CACNA1A: variants seen among roughly 807,000 people sequenced by gnomAD.
CACNA1A encodes the protein voltage-dependent P/Q-type calcium channel subunit alpha-1A.
CACNA1A carries 57 observed loss-of-function variants against 262.4 expected under a neutral mutation model. That is an observed-to-expected ratio of 0.22 (90% CI 0.18 to 0.27). The LOEUF (loss-of-function observed/expected upper bound fraction) is 0.27, where lower values mean the gene tolerates loss of function less well. CACNA1A is among the 10% of genes least tolerant of loss of function. CACNA1A has a pLI of 1.00. For missense variants in CACNA1A, 2,526 were observed against 3,562.8 expected (o/e 0.71, Z 7.41); for synonymous variants, 1,431 against 1,419.3 (o/e 1.01, Z -0.18).
intron 3 of CACNA1A, among the ~76,000 whole-genome samples, chr19:13,392,861 C>T (rs1319689705): frequency 6.6e-6 from 1 of 152,170 alleles, no homozygotes; most frequent in East Asian, 1.9e-4. Context: ...ATTCTCCTGC[C>T]TCAGTTTCCT....
intron 31 of CACNA1A, among the ~76,000 whole-genome samples, chr19:13,240,382 C>T (rs2056034926): frequency 6.6e-6 from 1 of 150,660 alleles, no homozygotes; most frequent in Non-Finnish European, 1.5e-5. Flanking sequence ...ACTGTGTGTG[C>T]AGTGTGTGTG....
rs758357771 is a variant in CACNA1A at position 13,214,607 on chromosome 19, T to C, written c.5733A>G (p.Gly1911=). The C allele has an allele frequency of 1.9e-6, 3 of 1,612,352 alleles. No homozygotes were observed. The Admixed American group carries it at 5.0e-5, about 27-fold the overall frequency. ...RTALDIKIAK[G]GADKQQMDAE... ...CGTCCATCTGCTGTTTGTCGGCTCC[T>C]CCTGCAATGGGGGTGTAGACAGACC... is the stretch of plus-strand genomic sequence containing the variant. The change falls in exon 39 of 47, where the codon GGA becomes GGG. Residue 1911 remains glycine (G), a splice_region_variant and synonymous_variant. Transcript: ENST00000360228. The surrounding 1 kb of genome is among the most constrained non-coding windows in gnomAD (Gnocchi z 4.1).
At chr19:13,321,691 A>G (rs111631518) in intron 10 of CACNA1A, among the ~76,000 whole-genome samples, 22 of 149,224 alleles carry the variant, frequency 1.5e-4, no homozygotes, top group African/African-American at 4.6e-4. Context: ...TAGAAAAGGT[A>G]CAGTAAAAAC....
In CACNA1A at chr19:13,439,062, T is replaced by C. The variant is rs113868769; in HGVS notation, c.539+13814A>G. ...CTTTCTCTTTCTTTTCTGACTATCC[T>C]GTTCCCCTGTTTCCTGGTATTGCCA... On this transcript the variant is annotated intron_variant, in intron 3 of 46. Coordinates refer to ENST00000360228, the MANE Select transcript of CACNA1A (RefSeq NM_001127222.2). 3.0e-3 allele frequency among the ~76,000 whole-genome samples: 463 copies of C among 152,044 alleles called. 1 individual carries two copies. Among genetic ancestry groups the C allele is most frequent in the African/African-American group, 0.01 (435 of 41,474 alleles).
Position 13,417,738 on chromosome 19 carries a change from A to C in CACNA1A, c.539+35138T>G, listed in dbSNP as rs138773593. On this transcript the variant is annotated intron_variant, in intron 3 of 46. Transcript: ENST00000360228. ...AACCCCATCTCTACTAAAAATACAA[A>C]AATTAGCTGGGCGTGGTGGTGTGTG... 8.8e-4 allele frequency among the ~76,000 whole-genome samples: 133 copies of C among 151,926 alleles called. 1 individual carries two copies. The highest frequency in any genetic ancestry group is 3.0e-3 in the African/African-American group (124 of 41,430).
chr19:13,402,815 T>C lies in CACNA1A; in HGVS notation c.540-31036A>G, dbSNP rs554917304. Among the ~76,000 whole-genome samples the C allele has an allele frequency of 5.2e-3, 702 of 134,392 alleles. 7 individuals carry two copies. The highest frequency in any genetic ancestry group is 0.019 in the African/African-American group (636 of 33,876). 88.2% of individuals were successfully genotyped at this position (134,392 alleles called of 152,430 possible). A position where few individuals can be genotyped will look rare whatever the true frequency, so the allele number is the denominator to read the frequency against. On this transcript the variant is annotated intron_variant, in intron 3 of 46. Transcript: ENST00000360228. ...ATATATACACACATATATATATACA[T>C]ATATACACACATATATATACATATA... is the stretch of plus-strand genomic sequence containing the variant.
At chr19:13,389,667 T>C (rs943609561) in intron 3 of CACNA1A, among the ~76,000 whole-genome samples, 1 of 152,218 alleles carries the variant, frequency 6.6e-6, no homozygotes, top group Non-Finnish European at 1.5e-5. Context: ...TGTCATAGGC[T>C]GATTAGCTTT....
At chr19:13,425,554 GA>G (rs2060386934) in intron 3 of CACNA1A, among the ~76,000 whole-genome samples, 1 of 152,204 alleles carries the variant, frequency 6.6e-6, no homozygotes, top group African/African-American at 2.4e-5. Context: ...GCACTTTGCA[GA>G]AAAGGAGAAA....
intron 6 of CACNA1A, among the ~76,000 whole-genome samples, chr19:13,348,027 C>A (rs1283341164): frequency 6.6e-6 from 1 of 152,026 alleles, no homozygotes; most frequent in Non-Finnish European, 1.5e-5. Context: ...CTCAGGCAAT[C>A]CTCCTTCCTC....
chr19:13,209,238 T>G, intron 45 of CACNA1A, 74 bp downstream of exon 45: 1 of 1,413,566 alleles, frequency 7.1e-7, no homozygotes. Context: ...CCTTAGTGTC[T>G]CCTCCGCCCT....
chr19:13,334,101 G>T, intron 8 of CACNA1A: 1 of 406,614 alleles, frequency 2.5e-6, no homozygotes, highest in Non-Finnish European at 4.5e-6. Context: ...GAGGTACAGG[G>T]ATGTGTGGTG....
intron 3 of CACNA1A, among the ~76,000 whole-genome samples, chr19:13,382,078 T>G (rs183644583): frequency 1.3e-5 from 2 of 152,182 alleles, no homozygotes; most frequent in East Asian, 3.9e-4. Flanking sequence ...TTGTGCTGGA[T>G]GCAGTGATAA....
Position 13,506,279 on chromosome 19 carries a change from C to A in CACNA1A, c.-55G>T. ...GCTGCGGCGAACGATGCGGAAGACG[C>A]CGCCGCCGCCGCCGCCGCCGCTGAT... On this transcript the variant is annotated 5_prime_UTR_variant, in exon 1 of 47. Coordinates refer to ENST00000360228, the MANE Select transcript of CACNA1A (RefSeq NM_001127222.2). 1 of 1,193,104 alleles carries A rather than the reference C, an allele frequency of 8.4e-7. No individual in the cohort carries two copies. The highest frequency in any genetic ancestry group is 1.1e-6 in the Non-Finnish European group (1 of 924,194). 73.9% of individuals were successfully genotyped at this position (1,193,104 alleles called of 1,614,324 possible). A position where few individuals can be genotyped will look rare whatever the true frequency, so the allele number is the denominator to read the frequency against.
At position 13,214,166 on chromosome 19, in the gene CACNA1A, G is replaced by T; in HGVS notation, c.5940+67C>A. On this transcript the variant is annotated intron_variant, in intron 40 of 46. Coordinates refer to ENST00000360228, the MANE Select transcript of CACNA1A (RefSeq NM_001127222.2). The surrounding 1 kb of genome is among the most constrained non-coding windows in gnomAD (Gnocchi z 4.1). ...GCTCAGCCACCCTCATATTCCAGTT[G>T]GTTCCCGTGGTGACATGCAAGCCAC... 2.3e-6 allele frequency: 3 copies of T among 1,300,978 alleles called. No homozygotes were observed. Among genetic ancestry groups the T allele is most frequent in the Non-Finnish European group, 3.2e-6 (3 of 927,642 alleles). 80.6% of individuals were successfully genotyped at this position (1,300,978 alleles called of 1,614,324 possible). A position where few individuals can be genotyped will look rare whatever the true frequency, so the allele number is the denominator to read the frequency against.
At chr19:13,262,449 C>A in intron 25 of CACNA1A, 1 of 346,816 alleles carries the variant, frequency 2.9e-6, no homozygotes, top group Non-Finnish European at 5.3e-6. Context: ...CGGTTATACC[C>A]TTTTAAATCC....
At chr19:13,485,456 A>G (rs1979857096) in intron 1 of CACNA1A, among the ~76,000 whole-genome samples, 1 of 151,978 alleles carries the variant, frequency 6.6e-6, no homozygotes, top group Non-Finnish European at 1.5e-5. Flanking sequence ...AGCCAAGAGA[A>G]AATATTGCAC....
intron 6 of CACNA1A, among the ~76,000 whole-genome samples, chr19:13,339,252 G>A (rs2058633858): frequency 6.6e-6 from 1 of 152,126 alleles, no homozygotes; most frequent in African/African-American, 2.4e-5. Flanking sequence ...AGGGCATTAT[G>A]CTATGTGAAA....
chr19:13,401,614 A>C (rs1232510557), intron 3 of CACNA1A, among the ~76,000 whole-genome samples: 1 of 152,186 alleles, frequency 6.6e-6, no homozygotes, highest in African/African-American at 2.4e-5. Context: ...GAATGCAGGC[A>C]GAAGTGTTGT....
At chr19:13,250,465 C>T (rs6511853) in intron 30 of CACNA1A, among the ~76,000 whole-genome samples, 51,761 of 151,198 alleles carry the variant, frequency 0.34, 9,008 homozygotes, top group Non-Finnish European at 0.35. Flanking sequence ...GGCAAGATCT[C>T]GGCTCACTGC....
Sources: allele counts gnomAD v4.1 joint callset (sites outside exome capture counted in the v4.1 genomes callset), GRCh38; gene constraint gnomAD v4.1.1; non-coding constraint Gnocchi (gnomAD v3.1); transcripts MANE v1.5; gene names NCBI Gene and HGNC (gene_info 2026-07-23, HGNC 2026-07-21).